Variants in EFCAB6 observed in about 807,000 individuals in gnomAD.
EFCAB6 encodes the protein EF-hand calcium binding domain 6.
In EFCAB6, 156 loss-of-function variants were observed where a neutral mutation model predicts 169.8. The ratio of observed to expected loss-of-function variants is 0.92; its 90% CI spans 0.81 to 1.05. The LOEUF (loss-of-function observed/expected upper bound fraction) is 1.05. Ranked by LOEUF, EFCAB6 falls within the 50% of genes least tolerant of loss-of-function variation. EFCAB6 has a pLI of 0.00. For missense variants in EFCAB6, 1,800 were observed against 1,829.1 expected, an observed-to-expected ratio of 0.98 and a Z score of 0.29; for synonymous variants, 698 against 676.4, an observed-to-expected ratio of 1.03 and a Z score of -0.50.
intron 26 of EFCAB6, among the ~76,000 whole-genome samples, chr22:43,567,158 CCCT>C (rs917474887): frequency 6.6e-6 from 1 of 151,832 alleles, no homozygotes; most frequent in Non-Finnish European, 1.5e-5. Flanking sequence ...CTCGTCCTCC[CCCT>C]CCTCCTCCCA....
intron 2 of EFCAB6, among the ~76,000 whole-genome samples, chr22:43,790,917 A>G (rs1434278027): frequency 6.6e-6 from 1 of 152,214 alleles, no homozygotes; most frequent in Non-Finnish European, 1.5e-5. Context: ...TCAGCATGCA[A>G]AAGAAAGGTT....
At chr22:43,555,188 C>G in intron 26 of EFCAB6, 92 bp from the exon 27 acceptor site, 1 of 1,366,468 alleles carries the variant, frequency 7.3e-7, no homozygotes. Flanking sequence ...TGCAGGGAGA[C>G]CCAGCGTGGT....
chr22:43,617,484 G>T (rs1486635391), intron 20 of EFCAB6, among the ~76,000 whole-genome samples: 1 of 152,166 alleles, frequency 6.6e-6, no homozygotes, highest in Non-Finnish European at 1.5e-5. Context: ...TATTTCCTTA[G>T]TTATCCATGA....
intron 17 of EFCAB6, among the ~76,000 whole-genome samples, chr22:43,636,223 C>T (rs2055384840): frequency 6.6e-6 from 1 of 152,062 alleles, no homozygotes; most frequent in African/African-American, 2.4e-5. Flanking sequence ...GTGAGGAATA[C>T]ACAGGTTATC....
In EFCAB6 at chr22:43,671,973, T is replaced by G; in HGVS notation, c.1640A>C (p.Lys547Thr). 2.5e-6 allele frequency: 4 copies of G among 1,611,512 alleles called. No homozygotes were observed. The highest frequency in any genetic ancestry group is 3.4e-6 in the Non-Finnish European group (4 of 1,179,318). The change falls in exon 15 of 32, where the codon AAA becomes ACA. Residue 547 changes from lysine to threonine, a missense_variant and splice_region_variant. Physicochemically the swap from Lys to Thr is moderately conservative, Grantham distance 78. Transcript: ENST00000262726. ...CPFLTNAHFI[K>T]LCSKIQDIGS... Reference sequence around the variant, plus strand: ...ATTAATTTTGTTACAAAAAACTTACTTTATGAAATGTGCATTCGTTAAAAA... The same window carrying G: ...ATTAATTTTGTTACAAAAAACTTACGTTATGAAATGTGCATTCGTTAAAAA...
rs1172560189 is a variant in EFCAB6 at position 43,537,787 on chromosome 22, C to A, written c.3880-242G>T. 6.6e-6 allele frequency among the ~76,000 whole-genome samples: 1 copy of A among 151,236 alleles called. No individual in the cohort carries two copies. The highest frequency in any genetic ancestry group is 2.4e-5 in the African/African-American group (1 of 41,056). ...ATAATTTTGGAAATAGCCATGTAGC[C>A]AAGGTTCAAATCTACACAGATGAGA... On this transcript the variant is annotated intron_variant, in intron 28 of 31. Coordinates refer to ENST00000262726, the MANE Select transcript of EFCAB6 (RefSeq NM_022785.4). This position sits in a 1 kb window ranked among gnomAD's most constrained non-coding sequence, Gnocchi z 4.3.
intron 12 of EFCAB6, among the ~76,000 whole-genome samples, chr22:43,678,635 A>G (rs1603177990): frequency 6.6e-6 from 1 of 152,194 alleles, no homozygotes; most frequent in African/African-American, 2.4e-5. Context: ...AGTCTCATCC[A>G]TTACATAAAT....
chr22:43,711,332 A>G (rs1247504453), intron 10 of EFCAB6, 143 bp downstream of exon 10: 4 of 857,346 alleles, frequency 4.7e-6, no homozygotes, highest in East Asian at 3.2e-5. Flanking sequence ...GATTTACTAT[A>G]TTATTCCCTT....
At position 43,752,154 on chromosome 22, in the gene EFCAB6, G is replaced by A. The variant is rs1217621647; in HGVS notation, c.507+3612C>T. Among the ~76,000 whole-genome samples the A allele has an allele frequency of 6.1e-5, 7 of 115,530 alleles. No homozygotes were observed. The South Asian group carries it at 1.7e-3, about 28-fold the overall frequency. 75.8% of individuals were successfully genotyped at this position (115,530 alleles called of 152,430 possible). On this transcript the variant is annotated intron_variant, in intron 6 of 31. Coordinates refer to ENST00000262726, the MANE Select transcript of EFCAB6 (RefSeq NM_022785.4). ...TTTTTTTGAGATAGAGTCTCCCTCTGTTGCCCAGGCTGGAGTACAGTGGCA... is the reference window on the plus strand; with the variant it reads ...TTTTTTTGAGATAGAGTCTCCCTCTATTGCCCAGGCTGGAGTACAGTGGCA...
intron 17 of EFCAB6, among the ~76,000 whole-genome samples, chr22:43,656,331 C>T (rs770083244): frequency 5.9e-5 from 9 of 151,666 alleles, no homozygotes; most frequent in Non-Finnish European, 1.2e-4. Flanking sequence ...CGGAGATTTG[C>T]AGTGAGCCAA....
At chr22:43,766,022 G>A (rs1476343649) in intron 4 of EFCAB6, among the ~76,000 whole-genome samples, 4 of 152,116 alleles carry the variant, frequency 2.6e-5, no homozygotes, top group Non-Finnish European at 5.9e-5. Context: ...TTCCCCTCAA[G>A]TGTTTTTTGT....
Position 43,716,878 on chromosome 22 carries a change from C to T in EFCAB6, c.852G>A (p.Leu284=). 1 of 1,602,508 alleles carries T rather than the reference C, an allele frequency of 6.2e-7. No homozygotes were observed. Among genetic ancestry groups the T allele is most frequent in the Non-Finnish European group, 8.5e-7 (1 of 1,174,976 alleles). The part of the protein sequence containing the change: ...SSEDIWRNYS[L]DEIERNFCLQ... Reference sequence around the variant, plus strand: ...GACAAAAGTTCCTCTCAATTTCATCCAAGGAGTAGTTTCTCCAGATATCTT... The same window carrying T: ...GACAAAAGTTCCTCTCAATTTCATCTAAGGAGTAGTTTCTCCAGATATCTT... Residue 284 remains leucine, a synonymous_variant, in exon 9 of 32, where the codon TTG becomes TTA. Coordinates refer to ENST00000262726, the MANE Select transcript of EFCAB6 (RefSeq NM_022785.4).
At chr22:43,635,295 G>T in intron 17 of EFCAB6, 79 bp from the exon 18 acceptor site, 1 of 1,034,908 alleles carries the variant, frequency 9.7e-7, no homozygotes, top group Non-Finnish European at 1.5e-6. Context: ...TCCTGCCCCT[G>T]TGCTGGCTCA....
intron 27 of EFCAB6, among the ~76,000 whole-genome samples, chr22:43,546,128 C>T (rs997804338): frequency 1.3e-5 from 2 of 152,196 alleles, no homozygotes; most frequent in African/African-American, 4.8e-5. Flanking sequence ...GGAGTAAACA[C>T]TGGTATTAAA....
At chr22:43,773,536 G>A (rs141519871) in intron 3 of EFCAB6, among the ~76,000 whole-genome samples, 5 of 152,316 alleles carry the variant, frequency 3.3e-5, no homozygotes, top group African/African-American at 1.2e-4. Context: ...AGAGATGGAC[G>A]CTAAAATGCA....
At chr22:43,561,568 G>C (rs1248807725) in intron 26 of EFCAB6, among the ~76,000 whole-genome samples, 1 of 152,100 alleles carries the variant, frequency 6.6e-6, no homozygotes, top group Non-Finnish European at 1.5e-5. Context: ...CCCAGTTGCT[G>C]GTGGGAGAGC....
At chr22:43,760,518 T>C (rs1022210775) in intron 5 of EFCAB6, among the ~76,000 whole-genome samples, 1 of 152,254 alleles carries the variant, frequency 6.6e-6, no homozygotes, top group African/African-American at 2.4e-5. Context: ...TCTTTCCAAA[T>C]ATGACTTCTG....
chr22:43,769,328 C>T (rs2061402723), intron 4 of EFCAB6, among the ~76,000 whole-genome samples: 1 of 152,044 alleles, frequency 6.6e-6, no homozygotes, highest in Non-Finnish European at 1.5e-5. Flanking sequence ...TTTGCAGATA[C>T]AGTGGAAAGG....
chr22:43,560,742 G>A (rs529536694), intron 26 of EFCAB6, among the ~76,000 whole-genome samples: 3 of 152,330 alleles, frequency 2.0e-5, no homozygotes, highest in East Asian at 3.9e-4. Flanking sequence ...CCGGGAGGCC[G>A]AGAAATGCCT....
Sources: allele counts gnomAD v4.1 joint callset (sites outside exome capture counted in the v4.1 genomes callset), GRCh38; gene constraint gnomAD v4.1.1; non-coding constraint Gnocchi (gnomAD v3.1); transcripts MANE v1.5; gene names NCBI Gene and HGNC (gene_info 2026-07-23, HGNC 2026-07-21).